CNNM4: variants seen among roughly 807,000 people sequenced by gnomAD.
The protein encoded by CNNM4 is metal transporter CNNM4.
A neutral mutation model predicts 53.7 loss-of-function variants in CNNM4; 32 were observed. That is an observed-to-expected ratio of 0.60 (90% confidence interval 0.45 to 0.80). The LOEUF (loss-of-function observed/expected upper bound fraction) is 0.80. Among genes scored for constraint, CNNM4 ranks in the 30% least tolerant of loss-of-function variants. The pLI, the probability that CNNM4 is intolerant of heterozygous loss-of-function variation, is 0.00. For missense variants in CNNM4, 784 were observed against 1,022.0 expected (o/e 0.77, Z 3.17); for synonymous variants, 410 against 440.0 (o/e 0.93, Z 0.85).
intron 1 of CNNM4, among the ~76,000 whole-genome samples, chr2:96,783,512 C>T (rs937048973): frequency 7.2e-5 from 11 of 152,170 alleles, no homozygotes; most frequent in Non-Finnish European, 1.6e-4. Flanking sequence ...GCAGATGGCT[C>T]AAGTTCCTTG....
rs2079152194 is a variant in CNNM4, at chr2:96,800,881, C to T, written c.1948+1233C>T. Among the ~76,000 whole-genome samples, 1 of 152,198 alleles carries T rather than the reference C, an allele frequency of 6.6e-6. No individual in the cohort carries two copies. Among genetic ancestry groups the T allele is most frequent in the Non-Finnish European group, 1.5e-5 (1 of 68,028 alleles). ...ATGACTGGGCACACTCAGCCAGCTT[C>T]TGCCTGTCTCCGCACAGGGCTCACC... On this transcript the variant is annotated intron_variant, in intron 5 of 6. Transcript: ENST00000377075. The surrounding 1 kb of genome is among the most constrained non-coding windows in gnomAD (Gnocchi z 4.6).
At chr2:96,780,972 CTTTTTT>C (rs1049996269) in intron 1 of CNNM4, among the ~76,000 whole-genome samples, 1 of 50,012 alleles carries the variant, frequency 2.0e-5, no homozygotes, top group African/African-American at 9.4e-5. Flanking sequence ...ATCTCGAACT[CTTTTTT>C]TTTTTTTTTT....
intron 1 of CNNM4, among the ~76,000 whole-genome samples, chr2:96,791,426 G>C (rs1256725786): frequency 6.6e-6 from 1 of 151,942 alleles, no homozygotes; most frequent in Non-Finnish European, 1.5e-5. Context: ...GAGGTCAGGA[G>C]CTCGAGACCA....
chr2:96,802,244 G>C (rs2079166492), intron 5 of CNNM4, among the ~76,000 whole-genome samples: 2 of 152,040 alleles, frequency 1.3e-5, no homozygotes, highest in African/African-American at 4.8e-5. Context: ...CACAACCACA[G>C]ACACACACAC....
At chr2:96,795,487 A>AC (rs5832819) in intron 1 of CNNM4, among the ~76,000 whole-genome samples, 3,471 of 137,070 alleles carry the variant, frequency 0.025, 64 homozygotes, top group East Asian at 0.053. Context: ...ACAATGCAGT[A>AC]CCCCCCCCCC....
rs1468040736 is a variant in CNNM4, at chr2:96,797,965, G to T, written c.1681+318G>T. Among the ~76,000 whole-genome samples, 1 of 152,206 alleles carries T rather than the reference G, an allele frequency of 6.6e-6. No homozygotes were observed. The highest frequency in any genetic ancestry group is 6.5e-5 in the Admixed American group (1 of 15,288). On this transcript the variant is annotated intron_variant, in intron 3 of 6. Coordinates refer to ENST00000377075, the MANE Select transcript of CNNM4 (RefSeq NM_020184.4). This position sits in a 1 kb window ranked among gnomAD's most constrained non-coding sequence, Gnocchi z 6.0. ...GCACTTTGGGAGGCCGAGGCAGGAG[G>T]ATTGCATGAGCCCAGGAGTTCGAGA...
intron 1 of CNNM4, among the ~76,000 whole-genome samples, chr2:96,789,950 C>T (rs1196411051): frequency 8.0e-5 from 9 of 111,994 alleles, no homozygotes; most frequent in Non-Finnish European, 1.2e-4. Context: ...CCCCCGCCCC[C>T]GGCCCTCCAA....
intron 5 of CNNM4, among the ~76,000 whole-genome samples, chr2:96,804,188 C>T (rs2079181570): frequency 6.6e-6 from 1 of 151,846 alleles, no homozygotes; most frequent in African/African-American, 2.4e-5. Context: ...AACCACTGCA[C>T]CTGGCCGGAC....
intron 1 of CNNM4, among the ~76,000 whole-genome samples, chr2:96,767,500 G>A (rs1332244369): frequency 6.6e-6 from 1 of 152,190 alleles, no homozygotes; most frequent in African/African-American, 2.4e-5. Context: ...GCTAAGTAAT[G>A]AAGGAAGAGG....
In CNNM4 at chr2:96,761,569, G is replaced by T. The variant is rs149951530; in HGVS notation, c.570G>T (p.Thr190=). The T allele has an allele frequency of 1.2e-6, 2 of 1,614,004 alleles. No individual in the cohort carries two copies. Among genetic ancestry groups the T allele is most frequent in the African/African-American group, 2.7e-5 (2 of 74,930 alleles). The part of the protein sequence containing the change: ...LPLWLHILLI[T]VLLVLSGIFS... ...TCTGGCTGCACATTCTCCTAATTACGGTGCTGCTGGTGCTGTCGGGCATAT... is the reference window on the plus strand; with the variant it reads ...TCTGGCTGCACATTCTCCTAATTACTGTGCTGCTGGTGCTGTCGGGCATAT... Residue 190 remains threonine (T), a synonymous_variant, in exon 1 of 7, where the codon ACG becomes ACT. Coordinates refer to ENST00000377075, the MANE Select transcript of CNNM4 (RefSeq NM_020184.4). The surrounding 1 kb of genome is among the most constrained non-coding windows in gnomAD (Gnocchi z 6.0).
rs988110344 is a variant in CNNM4 at position 96,797,442 on chromosome 2, G to C, written c.1547-71G>C. On this transcript the variant is annotated intron_variant, in intron 2 of 6. Transcript: ENST00000377075. The surrounding 1 kb of genome is among the most constrained non-coding windows in gnomAD (Gnocchi z 6.0). ...CTAGGGGCTGGAGAGCAGGAGCTGC[G>C]GGGCGGGTTCCAGTCTCTTCCTAAG... is the stretch of plus-strand genomic sequence containing the variant. The C allele has an allele frequency of 1.9e-6, 3 of 1,594,628 alleles. No individual in the cohort carries two copies. Among genetic ancestry groups the C allele is most frequent in the East Asian group, 2.2e-5 (1 of 44,822 alleles).
intron 1 of CNNM4, among the ~76,000 whole-genome samples, chr2:96,778,765 C>T (rs1042684735): frequency 6.6e-6 from 1 of 151,510 alleles, no homozygotes; most frequent in African/African-American, 2.4e-5. Context: ...TTTTATGAAC[C>T]CTTTATCAGA....
At chr2:96,790,828 A>G (rs1018194151) in intron 1 of CNNM4, among the ~76,000 whole-genome samples, 1 of 151,620 alleles carries the variant, frequency 6.6e-6, no homozygotes, top group Non-Finnish European at 1.5e-5. Context: ...TACTAAAAAT[A>G]CAAAAATCCA....
chr2:96,779,863 T>C (rs1574064369), intron 1 of CNNM4, among the ~76,000 whole-genome samples: 1 of 151,646 alleles, frequency 6.6e-6, no homozygotes, highest in South Asian at 2.1e-4. Flanking sequence ...AGTGCAGTGG[T>C]GTGATCTCGG....
At chr2:96,807,885 T>A (rs1313920153) in intron 5 of CNNM4, among the ~76,000 whole-genome samples, 1 of 152,150 alleles carries the variant, frequency 6.6e-6, no homozygotes, top group African/African-American at 2.4e-5. Context: ...GAGACAAGGA[T>A]GGCAGTTTGC....
At chr2:96,806,548 C>T (rs557339842) in intron 5 of CNNM4, among the ~76,000 whole-genome samples, 4 of 151,144 alleles carry the variant, frequency 2.6e-5, no homozygotes, top group South Asian at 4.2e-4. Flanking sequence ...CGCGCGCGCG[C>T]GCGCGCCCTT....
chr2:96,797,199 G>A lies in CNNM4; in HGVS notation c.1546+44G>A, dbSNP rs1349773330. The stretch of plus-strand genomic sequence containing the variant: ...AGGGCCCAGGACCCCTTTCCTGCTT[G>A]GATCGAAACTTGGTGTCCCTAGCTG... On this transcript the variant is annotated intron_variant, in intron 2 of 6. Coordinates refer to ENST00000377075, the MANE Select transcript of CNNM4 (RefSeq NM_020184.4). This position sits in a 1 kb window ranked among gnomAD's most constrained non-coding sequence, Gnocchi z 6.0. 1 of 1,612,866 alleles carries A rather than the reference G, an allele frequency of 6.2e-7. No homozygotes were observed. The highest frequency in any genetic ancestry group is 8.5e-7 in the Non-Finnish European group (1 of 1,179,778).
chr2:96,805,364 AAGAT>A (rs2079191906), intron 5 of CNNM4, among the ~76,000 whole-genome samples: 1 of 148,976 alleles, frequency 6.7e-6, no homozygotes, highest in African/African-American at 2.5e-5. Flanking sequence ...CTTAAGCACA[AAGAT>A]AGAGTATTAC....
At chr2:96,775,494 G>A (rs1276936487) in intron 1 of CNNM4, among the ~76,000 whole-genome samples, 1 of 152,174 alleles carries the variant, frequency 6.6e-6, no homozygotes, top group African/African-American at 2.4e-5. Context: ...AAATGATGCT[G>A]CTAAGAACAC....
Sources: allele counts gnomAD v4.1 joint callset (sites outside exome capture counted in the v4.1 genomes callset), GRCh38; gene constraint gnomAD v4.1.1; non-coding constraint Gnocchi (gnomAD v3.1); transcripts MANE v1.5; gene names NCBI Gene and HGNC (gene_info 2026-07-23, HGNC 2026-07-21).